The following MAK variants were observed in gnomAD, a reference collection of about 807,000 sequenced individuals.
The protein encoded by MAK is serine/threonine-protein kinase MAK.
MAK carries 65 observed loss-of-function variants against 82.6 expected under a neutral mutation model. The observed-to-expected ratio is 0.79, with a 90% CI of 0.64 to 0.97. The LOEUF (loss-of-function observed/expected upper bound fraction) is 0.97, where lower values mean the gene tolerates loss of function less well. Ranked by LOEUF, MAK falls within the 50% of genes least tolerant of loss-of-function variation. The probability of loss-of-function intolerance (pLI) is 0.00; values close to 1 mark genes in which losing one functional copy is unlikely to be tolerated. For synonymous variants in MAK, 250 were observed against 274.2 expected (o/e 0.91, Z 0.87); for missense variants, 703 against 780.2 (o/e 0.90, Z 1.18).
intron 3 of MAK, among the ~76,000 whole-genome samples, chr6:10,818,301 G>C (rs139353163): frequency 7.4e-4 from 113 of 152,294 alleles, no homozygotes; most frequent in African/African-American, 2.6e-3. Flanking sequence ...TAAGGAAATG[G>C]TATGTAGTAA....
intron 6 of MAK, among the ~76,000 whole-genome samples, chr6:10,807,424 C>T (rs1224750178): frequency 6.9e-6 from 1 of 145,800 alleles, no homozygotes; most frequent in African/African-American, 2.5e-5. Flanking sequence ...CTCACTGCAA[C>T]CTCTGCCCCC....
chr6:10,805,049 T>C (rs1776304190), intron 6 of MAK, among the ~76,000 whole-genome samples: 1 of 82,164 alleles, frequency 1.2e-5, no homozygotes, highest in South Asian at 5.7e-4. Context: ...GGCCCCAGGA[T>C]GAGTGTGTGC....
intron 8 of MAK, 22 bp from the exon 9 acceptor site, chr6:10,796,331 A>C (rs755903317): frequency 6.3e-7 from 1 of 1,590,998 alleles, no homozygotes; most frequent in Admixed American, 1.7e-5. Flanking sequence ...CAGAGAAAAC[A>C]ACAAATGGAA....
chr6:10,817,953 G>A lies in MAK; in HGVS notation c.175C>T (p.His59Tyr). ...TCTTTCAATTTAATAACATTGGCAT[G>A]ATTAAGTTTCTTCAGAGACTGAAAA... ...REVKSLKKLN[H>Y]ANVIKLKEVI... is the part of the protein sequence containing the mutation. The change falls in exon 4 of 15, where the codon CAT (histidine) becomes TAT (tyrosine). Residue 59 changes from histidine (H) to tyrosine (Y), a missense_variant. By Grantham distance (83) the His-to-Tyr change is moderately conservative (BLOSUM62 2). Coordinates refer to ENST00000354489, the MANE Select transcript of MAK (RefSeq NM_001242957.3). The A allele has an allele frequency of 1.4e-6, 2 of 1,439,094 alleles. No homozygotes were observed. The highest frequency in any genetic ancestry group is 4.8e-5 in the East Asian group (2 of 41,694). The allele number at this position is 1,439,094 out of a possible 1,614,324, so 89.1% of individuals were successfully genotyped here.
intron 12 of MAK, among the ~76,000 whole-genome samples, chr6:10,774,264 A>G (rs1166767708): frequency 2.7e-5 from 4 of 150,502 alleles, no homozygotes; most frequent in African/African-American, 4.9e-5. Flanking sequence ...TATAATTACA[A>G]TGATTCATTG....
chr6:10,808,970 A>T (rs1341530863), intron 5 of MAK, 28 bp from the exon 6 acceptor site: 2 of 1,578,118 alleles, frequency 1.3e-6, no homozygotes, highest in African/African-American at 2.7e-5. Context: ...AAAAAAAAAT[A>T]CAGTAAATCA....
chr6:10,779,263 T>G (rs1179794580), intron 11 of MAK: 1 of 890,214 alleles, frequency 1.1e-6, no homozygotes, highest in African/African-American at 1.8e-5. Context: ...GCTGAGAGAT[T>G]AGCTTTCAAT....
intron 10 of MAK, among the ~76,000 whole-genome samples, chr6:10,786,252 A>G (rs186631365): frequency 6.6e-6 from 1 of 152,288 alleles, no homozygotes; most frequent in East Asian, 1.9e-4. Flanking sequence ...CTCAATCATA[A>G]TAATAATTTA....
At position 10,784,653 on chromosome 6, in the gene MAK, C is replaced by CTGCACATCTCGCCCACCCTG. The variant is rs2127533121; in HGVS notation, c.1317-82_1317-81insCAGGGTGGGCGAGATGTGCA. 3 of 1,244,104 alleles carry CTGCACATCTCGCCCACCCTG rather than the reference C, an allele frequency of 2.4e-6. 1 individual carries two copies. In the African/African-American group the frequency reaches 4.6e-5, roughly 19 times the overall value. 77.1% of individuals were successfully genotyped at this position (1,244,104 alleles called of 1,614,324 possible). On this transcript the variant is annotated intron_variant, in intron 10 of 14. Coordinates refer to ENST00000354489, the MANE Select transcript of MAK (RefSeq NM_001242957.3). Reference sequence around the variant, plus strand: ...ACCCTCTGCACATCTCGCCCACCCTCTGCACATCTTCCTAAGCCAGTCAAT... The same window carrying CTGCACATCTCGCCCACCCTG: ...ACCCTCTGCACATCTCGCCCACCCTCTGCACATCTCGCCCACCCTGTGCACATCTTCCTAAGCCAGTCAAT...
chr6:10,833,356 A>G (rs1346036915), intron 1 of MAK, among the ~76,000 whole-genome samples: 2 of 152,034 alleles, frequency 1.3e-5, no homozygotes, highest in Admixed American at 6.5e-5. Context: ...TGTAATCCCA[A>G]CGCTTTGGGA....
intron 2 of MAK, among the ~76,000 whole-genome samples, chr6:10,830,199 T>G (rs1778698628): frequency 6.6e-6 from 1 of 151,280 alleles, no homozygotes; most frequent in Non-Finnish European, 1.5e-5. Flanking sequence ...GGAGTCTCAC[T>G]GTATCACCCA....
intron 1 of MAK, among the ~76,000 whole-genome samples, chr6:10,833,315 G>A (rs188465159): frequency 2.0e-5 from 3 of 152,182 alleles, no homozygotes; most frequent in Middle Eastern, 3.4e-3. Context: ...TTAATAATAC[G>A]GAGTGTGGGC....
At chr6:10,830,124 CGTGTGTGTGTGTGTGT>C (rs35519970) in intron 2 of MAK, among the ~76,000 whole-genome samples, 3 of 141,500 alleles carry the variant, frequency 2.1e-5, no homozygotes, top group Non-Finnish European at 4.6e-5. Flanking sequence ...CCTGTGTGCA[CGTGTGTGTGTGTGTGT>C]GTGTGTGTGT....
intron 2 of MAK, among the ~76,000 whole-genome samples, chr6:10,830,283 G>A (rs967428904): frequency 1.2e-4 from 17 of 142,958 alleles, no homozygotes; most frequent in Non-Finnish European, 1.7e-4. Context: ...CTCCTGCCTC[G>A]GCCTCCTGAG....
At chr6:10,818,417 C>T (rs889822595) in intron 3 of MAK, among the ~76,000 whole-genome samples, 1 of 152,114 alleles carries the variant, frequency 6.6e-6, no homozygotes, top group African/African-American at 2.4e-5. Context: ...AGTTGCAGAC[C>T]AGCCTGGCCA....
At position 10,814,727 on chromosome 6, in the gene MAK, C is replaced by A. The variant is rs536519806; in HGVS notation, c.279-1004G>T. 3.7e-4 allele frequency among the ~76,000 whole-genome samples: 56 copies of A among 151,228 alleles called. 1 individual carries two copies. Among genetic ancestry groups the A allele is most frequent in the African/African-American group, 1.3e-3 (52 of 41,256 alleles). ...TATAAATAAATGCTTCAGTTCTATT[C>A]TGCATATTGGTGTTGTCCAGTAGAA... is the stretch of plus-strand genomic sequence containing the variant. On this transcript the variant is annotated intron_variant, in intron 4 of 14. Transcript: ENST00000354489.
In MAK at chr6:10,792,295, C is replaced by T. The variant is rs527576571; in HGVS notation, c.1144-448G>A. On this transcript the variant is annotated intron_variant, in intron 9 of 14. Transcript: ENST00000354489. ...AATGCAGACACGACATCCAAAGGAA[C>T]ACCAGTCATCCTGTGGCCACAGGAA... 1.1e-3 allele frequency among the ~76,000 whole-genome samples: 170 copies of T among 152,316 alleles called. 1 individual carries two copies. The highest frequency in any genetic ancestry group is 7.9e-3 in the Admixed American group (121 of 15,298).
In MAK at chr6:10,800,800, A is replaced by G. The variant is rs532630101; in HGVS notation, c.831+1092T>C. On this transcript the variant is annotated intron_variant, in intron 8 of 14. Transcript: ENST00000354489. The surrounding 1 kb of genome is among the most constrained non-coding windows in gnomAD (Gnocchi z 4.2). ...GGTTGCGGTGAGCCGAGATCATGCC[A>G]TTGCACTCCAGCCTGGGCAACAAGA... is the stretch of plus-strand genomic sequence containing the variant. 6.6e-5 allele frequency among the ~76,000 whole-genome samples: 10 copies of G among 152,226 alleles called. No individual in the cohort carries two copies. In the South Asian group the frequency reaches 2.1e-3, roughly 32 times the overall value.
At chr6:10,826,984 G>A (rs1051275296) in intron 2 of MAK, among the ~76,000 whole-genome samples, 4 of 152,090 alleles carry the variant, frequency 2.6e-5, no homozygotes, top group African/African-American at 4.8e-5. Flanking sequence ...GGTGGTACAT[G>A]CCTGTAATCC....
Sources: gnomAD v4.1 joint callset for allele counts (sites outside exome capture counted in the v4.1 genomes callset) on GRCh38, gnomAD v4.1.1 for gene constraint, Gnocchi (gnomAD v3.1) non-coding constraint, MANE v1.5 for transcripts, NCBI Gene and HGNC (gene_info 2026-07-23, HGNC 2026-07-21) for gene names.